ASCC3: variants seen among roughly 807,000 people sequenced by gnomAD.
ASCC3 encodes the protein activating signal cointegrator 1 complex subunit 3.
A neutral mutation model predicts 256.3 loss-of-function variants in ASCC3; 158 were observed. That is an observed-to-expected ratio of 0.62 (90% CI 0.54 to 0.70). The LOEUF is 0.70. Among genes scored for constraint, ASCC3 ranks in the 30% least tolerant of loss-of-function variants. ASCC3 has a pLI of 0.00. For missense variants in ASCC3, 2,259 were observed against 2,626.0 expected (o/e 0.86, Z 3.05); for synonymous variants, 948 against 883.4 (o/e 1.07, Z -1.30).
chr6:100,623,181 A>G (rs1397438066), intron 30 of ASCC3, among the ~76,000 whole-genome samples: 1 of 152,182 alleles, frequency 6.6e-6, no homozygotes, highest in East Asian at 1.9e-4. Flanking sequence ...GATTATTCAG[A>G]TATCAATTAA....
intron 8 of ASCC3, among the ~76,000 whole-genome samples, chr6:100,795,374 A>T (rs1471031154): frequency 1.3e-5 from 2 of 151,982 alleles, no homozygotes; most frequent in Non-Finnish European, 2.9e-5. Context: ...AAAAGAGGGG[A>T]GGAAAAAGAA....
At position 100,774,338 on chromosome 6, in the gene ASCC3, T is replaced by A. The variant is rs568150414; in HGVS notation, c.1396-6993A>T. On this transcript the variant is annotated intron_variant, in intron 8 of 41. Transcript: ENST00000369162. ...TGTGCATGTACATGACACGTACATGTCATGACACGTGCATGTCACCACACC... is the reference window on the plus strand; with the variant it reads ...TGTGCATGTACATGACACGTACATGACATGACACGTGCATGTCACCACACC... 1.3e-4 allele frequency among the ~76,000 whole-genome samples: 19 copies of A among 151,912 alleles called. No individual in the cohort carries two copies. The South Asian group carries it at 3.9e-3, about 32-fold the overall frequency.
intron 34 of ASCC3, among the ~76,000 whole-genome samples, chr6:100,599,808 T>G (rs1772504135): frequency 6.6e-6 from 1 of 152,104 alleles, no homozygotes; most frequent in Non-Finnish European, 1.5e-5. Context: ...CTGACTAAAA[T>G]GACTAGGTTC....
At chr6:100,634,849 C>G (rs1162568313) in intron 25 of ASCC3, among the ~76,000 whole-genome samples, 1 of 132,510 alleles carries the variant, frequency 7.5e-6, no homozygotes, top group Non-Finnish European at 1.5e-5. Flanking sequence ...AGCGAGACCC[C>G]ATCTCCTCAA....
At chr6:100,658,376 G>A (rs1776022600) in intron 16 of ASCC3, among the ~76,000 whole-genome samples, 2 of 151,228 alleles carry the variant, frequency 1.3e-5, no homozygotes, top group African/African-American at 4.8e-5. Flanking sequence ...ATTTGAATAT[G>A]TATTTTTAAA....
intron 10 of ASCC3, among the ~76,000 whole-genome samples, chr6:100,727,573 ACAG>A: frequency 6.6e-6 from 1 of 152,198 alleles, no homozygotes. Flanking sequence ...GGCAGCAATT[ACAG>A]GCAGATGACC....
At chr6:100,850,633 T>C (rs140237934) in intron 3 of ASCC3, among the ~76,000 whole-genome samples, 5 of 152,318 alleles carry the variant, frequency 3.3e-5, no homozygotes, top group African/African-American at 9.6e-5. Context: ...TAACAGTTTA[T>C]AGGTAGGAAA....
At chr6:100,639,097 T>G (rs879869253) in intron 24 of ASCC3, among the ~76,000 whole-genome samples, 1 of 152,188 alleles carries the variant, frequency 6.6e-6, no homozygotes, top group African/African-American at 2.4e-5. Flanking sequence ...GGAAAGTCAT[T>G]TGAATAACAA....
intron 10 of ASCC3, among the ~76,000 whole-genome samples, chr6:100,753,083 A>T (rs1781010177): frequency 6.6e-6 from 1 of 152,070 alleles, no homozygotes; most frequent in Admixed American, 6.6e-5. Flanking sequence ...TGATTCTTAT[A>T]AGCACCACAC....
intron 10 of ASCC3, among the ~76,000 whole-genome samples, chr6:100,753,667 T>C (rs1351593459): frequency 6.6e-6 from 1 of 152,126 alleles, no homozygotes; most frequent in Non-Finnish European, 1.5e-5. Context: ...CTCTTGCCAC[T>C]GCGTCCTGCA....
intron 8 of ASCC3, among the ~76,000 whole-genome samples, chr6:100,780,215 T>A (rs997343436): frequency 2.0e-5 from 3 of 152,184 alleles, no homozygotes; most frequent in African/African-American, 7.2e-5. Flanking sequence ...CACATTGCAA[T>A]CTAGACTAGC....
intron 7 of ASCC3, 58 bp from the exon 8 acceptor site, chr6:100,798,896 TA>T: frequency 7.0e-7 from 1 of 1,432,932 alleles, no homozygotes. Context: ...CTTGCTCTGG[TA>T]AATATTCTTT....
intron 10 of ASCC3, among the ~76,000 whole-genome samples, chr6:100,765,950 T>A (rs1162596521): frequency 6.6e-6 from 1 of 152,202 alleles, no homozygotes; most frequent in Non-Finnish European, 1.5e-5. Context: ...AAAAACACAA[T>A]GAACTTCACC....
intron 36 of ASCC3, among the ~76,000 whole-genome samples, chr6:100,569,018 A>C (rs1039271869): frequency 5.3e-4 from 81 of 151,980 alleles, no homozygotes; most frequent in African/African-American, 2.0e-3. Context: ...TGATCTCGTG[A>C]TCTGATTGCC....
chr6:100,607,142 T>C, intron 30 of ASCC3, 54 bp from the exon 31 acceptor site: 2 of 1,566,618 alleles, frequency 1.3e-6, no homozygotes, highest in Non-Finnish European at 1.8e-6. Flanking sequence ...AAAATTTTCA[T>C]TAATTTTTCA....
chr6:100,580,393 A>G lies in ASCC3; in HGVS notation c.5550+9241T>C, dbSNP rs116081591. On this transcript the variant is annotated intron_variant, in intron 36 of 41. Coordinates refer to ENST00000369162, the MANE Select transcript of ASCC3 (RefSeq NM_006828.4). ...GATACAATCAAGAGATCATCACTTG[A>G]AACTATGTTTTGATGATAATTGAAG... 3.0e-3 allele frequency among the ~76,000 whole-genome samples: 454 copies of G among 152,182 alleles called. 2 individuals carry two copies. Among genetic ancestry groups the G allele is most frequent in the African/African-American group, 0.011 (439 of 41,552 alleles).
chr6:100,662,497 G>T lies in ASCC3; in HGVS notation c.2326C>A (p.Pro776Thr). ...SRNKQVRELFPDGFSIHHAGM... is the reference protein window; with the variant it reads ...SRNKQVRELFTDGFSIHHAGM... ...GCATGATGAATACTAAAACCATCTG[G>T]GAATAATTCTCGTACTTGCTTATTT... The change falls in exon 15 of 42, where the codon CCA (proline) becomes ACA (threonine). Residue 776 changes from proline (P) to threonine (T), a missense_variant. Physicochemically the swap from Pro to Thr is conservative, Grantham distance 38 (BLOSUM62 -1). This residue lies in a region of ASCC3 where 1,839 missense variants were observed against 2,206.7 expected (regional missense o/e 0.83). Coordinates refer to ENST00000369162, the MANE Select transcript of ASCC3 (RefSeq NM_006828.4). 2 of 1,612,990 alleles carry T rather than the reference G, an allele frequency of 1.2e-6. No individual in the cohort carries two copies. Among genetic ancestry groups the T allele is most frequent in the East Asian group, 4.5e-5 (2 of 44,822 alleles).
chr6:100,877,059 C>T (rs1774033912), intron 1 of ASCC3, among the ~76,000 whole-genome samples: 1 of 152,102 alleles, frequency 6.6e-6, no homozygotes, highest in African/African-American at 2.4e-5. Context: ...TTAAACCAAA[C>T]CTGTGTTTCT....
intron 10 of ASCC3, among the ~76,000 whole-genome samples, chr6:100,745,625 A>T (rs1418327420): frequency 6.6e-6 from 1 of 152,120 alleles, no homozygotes; most frequent in Non-Finnish European, 1.5e-5. Flanking sequence ...GTTGGAAGGG[A>T]CTTTCTGTGA....
Sources: allele counts gnomAD v4.1 joint callset (sites outside exome capture counted in the v4.1 genomes callset), GRCh38; gene constraint gnomAD v4.1.1; regional missense constraint gnomAD v4.1.1; transcripts MANE v1.5; gene names NCBI Gene and HGNC (gene_info 2026-07-23, HGNC 2026-07-21).